Variants in THSD7B observed in about 807,000 individuals in gnomAD.
The protein encoded by THSD7B is thrombospondin type 1 domain containing 7B.
In THSD7B, 138 loss-of-function variants were observed where a neutral mutation model predicts 213.6. The ratio of observed to expected loss-of-function variants is 0.65; its 90% CI spans 0.56 to 0.74. The LOEUF is 0.74. THSD7B is among the 30% of genes least tolerant of loss of function. The pLI is 0.00. For synonymous variants in THSD7B, 742 were observed against 687.0 expected (o/e 1.08, Z -1.25); for missense variants, 1,931 against 1,991.5 (o/e 0.97, Z 0.58).
intron 19 of THSD7B, among the ~76,000 whole-genome samples, chr2:137,619,873 T>C (rs1226325817): frequency 6.6e-6 from 1 of 152,240 alleles, no homozygotes; most frequent in Non-Finnish European, 1.5e-5. Context: ...TAATCATTAA[T>C]ATTAGCTTGG....
intron 2 of THSD7B, among the ~76,000 whole-genome samples, chr2:137,016,387 C>T (rs1465195515): frequency 1.3e-5 from 2 of 152,058 alleles, no homozygotes; most frequent in African/African-American, 4.8e-5. Context: ...TTGACAAAGT[C>T]GTCTGTCACC....
Position 137,485,789 on chromosome 2 carries a change from C to T in THSD7B, c.3138+34766C>T, listed in dbSNP as rs563677683. 6.2e-4 allele frequency among the ~76,000 whole-genome samples: 94 copies of T among 152,212 alleles called. 1 individual carries two copies. The South Asian group carries it at 1.0e-2, about 16-fold the overall frequency. On this transcript the variant is annotated intron_variant, in intron 15 of 27. Transcript: ENST00000409968. ...AAAGGGAAGCCCATCAGACTAACAGCGGATCTCTCAGCAGAAACTCTACAA... is the reference window on the plus strand; with the variant it reads ...AAAGGGAAGCCCATCAGACTAACAGTGGATCTCTCAGCAGAAACTCTACAA...
At chr2:137,245,191 T>C (rs1681999176) in intron 10 of THSD7B, among the ~76,000 whole-genome samples, 1 of 152,266 alleles carries the variant, frequency 6.6e-6, no homozygotes, top group South Asian at 2.1e-4. Context: ...TAAGAGACTG[T>C]AGATTGGGGC....
chr2:137,426,971 T>C (rs1573619247), intron 14 of THSD7B, among the ~76,000 whole-genome samples: 1 of 152,134 alleles, frequency 6.6e-6, no homozygotes, highest in South Asian at 2.1e-4. Context: ...AGCCCAATTT[T>C]AAAAGGGGCA....
chr2:137,425,026 C>T (rs1023494182), intron 14 of THSD7B, among the ~76,000 whole-genome samples: 64 of 150,692 alleles, frequency 4.2e-4, no homozygotes, highest in African/African-American at 1.5e-3. Context: ...GAGCGGAGAT[C>T]GCGCCACTGC....
chr2:137,562,064 C>T (rs1214744881), intron 15 of THSD7B, among the ~76,000 whole-genome samples: 1 of 152,128 alleles, frequency 6.6e-6, no homozygotes, highest in Non-Finnish European at 1.5e-5. Context: ...AACATGCTGA[C>T]AGTGCTCCAA....
Position 137,094,858 on chromosome 2 carries a change from TTC to T in THSD7B, c.951-13_951-12del, listed in dbSNP as rs1688011017. 6.2e-7 allele frequency: 1 copy of T among 1,607,240 alleles called. No homozygotes were observed. The highest frequency in any genetic ancestry group is 1.1e-5 in the South Asian group (1 of 90,702). On this transcript the variant is annotated splice_polypyrimidine_tract_variant and intron_variant, in intron 3 of 27. Coordinates refer to ENST00000409968, the MANE Select transcript of THSD7B (RefSeq NM_001316349.2). ...TAATATATGGCCTCCTATTTTCTAC[TTC>T]TGTTTTTTTCAGCCTTTGCCTTCAA...
At chr2:137,489,431 G>GA (rs986622945) in intron 15 of THSD7B, among the ~76,000 whole-genome samples, 1 of 146,014 alleles carries the variant, frequency 6.8e-6, no homozygotes, top group Non-Finnish European at 1.5e-5. Context: ...AAAAAAAAAA[G>GA]AAAAAAAAGA....
At chr2:137,315,638 C>A (rs1331994555) in intron 12 of THSD7B, among the ~76,000 whole-genome samples, 4 of 152,064 alleles carry the variant, frequency 2.6e-5, no homozygotes, top group South Asian at 2.1e-4. Flanking sequence ...CCCTCTATCT[C>A]TAGATTATAA....
chr2:136,823,626 A>G (rs1682599084), intron 1 of THSD7B, among the ~76,000 whole-genome samples: 1 of 152,112 alleles, frequency 6.6e-6, no homozygotes, highest in African/African-American at 2.4e-5. Flanking sequence ...TTTGCTCTGA[A>G]TTCTGCAGAA....
At chr2:137,557,611 A>G (rs1211689576) in intron 15 of THSD7B, among the ~76,000 whole-genome samples, 2 of 152,230 alleles carry the variant, frequency 1.3e-5, no homozygotes, top group Non-Finnish European at 2.9e-5. Flanking sequence ...AAGAGAAAGC[A>G]GGAAAGATCT....
At chr2:136,989,449 C>G (rs1332649511) in intron 2 of THSD7B, among the ~76,000 whole-genome samples, 1 of 151,886 alleles carries the variant, frequency 6.6e-6, no homozygotes, top group Non-Finnish European at 1.5e-5. Context: ...CTCTCTCTTC[C>G]TATGTGATAC....
At chr2:137,307,690 C>A (rs574623799) in intron 12 of THSD7B, among the ~76,000 whole-genome samples, 1 of 152,094 alleles carries the variant, frequency 6.6e-6, no homozygotes, top group Non-Finnish European at 1.5e-5. Context: ...AATGCTCATG[C>A]ACTACTGATA....
At chr2:137,523,785 G>A (rs1031764155) in intron 15 of THSD7B, among the ~76,000 whole-genome samples, 1 of 151,968 alleles carries the variant, frequency 6.6e-6, no homozygotes, top group African/African-American at 2.4e-5. Context: ...GATCTCTGGG[G>A]CACACTCTTT....
At chr2:137,406,041 A>C (rs1686510365) in intron 13 of THSD7B, among the ~76,000 whole-genome samples, 1 of 152,208 alleles carries the variant, frequency 6.6e-6, no homozygotes, top group Non-Finnish European at 1.5e-5. Flanking sequence ...GTTCCTCTCT[A>C]TATAGTTTTA....
chr2:137,050,544 T>C (rs78970606), intron 2 of THSD7B, among the ~76,000 whole-genome samples: 1 of 152,318 alleles, frequency 6.6e-6, no homozygotes, highest in East Asian at 1.9e-4. Flanking sequence ...GCAACAAAGC[T>C]TATGCTTACT....
chr2:137,463,516 C>T (rs781248903), intron 15 of THSD7B, among the ~76,000 whole-genome samples: 2 of 152,028 alleles, frequency 1.3e-5, no homozygotes, highest in Admixed American at 6.6e-5. Flanking sequence ...TCACTCCCCC[C>T]ATTTACCCTT....
chr2:137,001,692 A>C (rs1686001913), intron 2 of THSD7B, among the ~76,000 whole-genome samples: 1 of 152,140 alleles, frequency 6.6e-6, no homozygotes, highest in South Asian at 2.1e-4. Context: ...GCAGTACTAA[A>C]GGCTCCAATT....
chr2:137,227,131 T>G (rs1250083954), intron 7 of THSD7B, among the ~76,000 whole-genome samples: 1 of 152,184 alleles, frequency 6.6e-6, no homozygotes, highest in Non-Finnish European at 1.5e-5. Flanking sequence ...ATTAAAATAT[T>G]TTGTAACCAT....
Sources: allele counts gnomAD v4.1 joint callset (sites outside exome capture counted in the v4.1 genomes callset), GRCh38; gene constraint gnomAD v4.1.1; transcripts MANE v1.5; gene names NCBI Gene and HGNC (gene_info 2026-07-23, HGNC 2026-07-21).